Variants in TMEM178B observed in about 807,000 individuals in gnomAD.
The protein encoded by TMEM178B is transmembrane protein 178B.
In TMEM178B, 5 loss-of-function variants were observed where a neutral mutation model predicts 31.0. The ratio of observed to expected loss-of-function variants is 0.16; its 90% CI spans 0.08 to 0.34. The LOEUF (loss-of-function observed/expected upper bound fraction) is 0.34. Among genes scored for constraint, TMEM178B ranks in the 10% least tolerant of loss-of-function variants. The pLI, the probability that TMEM178B is intolerant of heterozygous loss-of-function variation, is 1.00. For synonymous variants in TMEM178B, 164 were observed against 164.0 expected, an observed-to-expected ratio of 1.00 and a Z score of 0.00; for missense variants, 275 against 400.3, an observed-to-expected ratio of 0.69 and a Z score of 2.67.
At chr7:141,425,585 C>T (rs773135943) in intron 2 of TMEM178B, among the ~76,000 whole-genome samples, 3 of 152,126 alleles carry the variant, frequency 2.0e-5, no homozygotes, top group Non-Finnish European at 2.9e-5. Flanking sequence ...GGCTTAGCAG[C>T]GAGAAAGGGG....
chr7:141,482,421 G>A (rs539050939), downstream of TMEM178B, among the ~76,000 whole-genome samples: 13 of 152,292 alleles, frequency 8.5e-5, no homozygotes, highest in African/African-American at 2.9e-4. Flanking sequence ...TGGGATCCTC[G>A]CAGGCACTAA....
chr7:141,185,657 TG>T (rs978119459), intron 1 of TMEM178B, among the ~76,000 whole-genome samples: 21 of 152,186 alleles, frequency 1.4e-4, no homozygotes, highest in African/African-American at 4.8e-4. Flanking sequence ...CTAGGGTCTC[TG>T]GGGTTTTTAT....
intron 3 of TMEM178B, among the ~76,000 whole-genome samples, chr7:141,451,672 G>A (rs1801865581): frequency 6.6e-6 from 1 of 152,192 alleles, no homozygotes; most frequent in South Asian, 2.1e-4. Context: ...GCAAGAAAGA[G>A]GAAGCTGGTT....
Position 141,359,292 on chromosome 7 carries a change from C to T in TMEM178B, c.497-78316C>T, listed in dbSNP as rs1385570775. Among the ~76,000 whole-genome samples, 6 of 152,322 alleles carry T rather than the reference C, an allele frequency of 3.9e-5. No homozygotes were observed. In the East Asian group the frequency reaches 7.7e-4, roughly 20 times the overall value. ...TGCCCCAGGGTATAGCCTCCCAGCA[C>T]GGTGTCCTCTTTGTAGTTGAGTCTT... is the stretch of plus-strand genomic sequence containing the variant. On this transcript the variant is annotated intron_variant, in intron 2 of 3. Transcript: ENST00000565468.
intron 1 of TMEM178B, among the ~76,000 whole-genome samples, chr7:141,205,492 C>T (rs1207585495): frequency 6.6e-6 from 1 of 152,190 alleles, no homozygotes; most frequent in Non-Finnish European, 1.5e-5. Flanking sequence ...AGCATCTTTG[C>T]TCTCTAGGCA....
At chr7:141,466,453 C>G (rs972736777) in intron 3 of TMEM178B, among the ~76,000 whole-genome samples, 1 of 152,216 alleles carries the variant, frequency 6.6e-6, no homozygotes, top group African/African-American at 2.4e-5. Context: ...GTGGAATATG[C>G]CATGAGAATC....
intron 2 of TMEM178B, among the ~76,000 whole-genome samples, chr7:141,244,379 C>A (rs1308612072): frequency 1.3e-5 from 2 of 152,110 alleles, no homozygotes; most frequent in African/African-American, 4.8e-5. Context: ...TAAAATTGAG[C>A]CTTGAAGGTA....
intron 2 of TMEM178B, among the ~76,000 whole-genome samples, chr7:141,373,176 C>A (rs1800149432): frequency 6.6e-6 from 1 of 152,108 alleles, no homozygotes; most frequent in South Asian, 2.1e-4. Context: ...CAGTTCACAG[C>A]ATATTGGAAG....
At chr7:141,135,608 T>C (rs1400497737) in intron 1 of TMEM178B, among the ~76,000 whole-genome samples, 1 of 152,140 alleles carries the variant, frequency 6.6e-6, no homozygotes, top group Non-Finnish European at 1.5e-5. Context: ...GCATGGAAAT[T>C]AAACAACATG....
intron 2 of TMEM178B, among the ~76,000 whole-genome samples, chr7:141,330,111 T>C (rs1257446205): frequency 6.6e-6 from 1 of 152,182 alleles, no homozygotes; most frequent in Non-Finnish European, 1.5e-5. Context: ...AAGTTTATTT[T>C]AATTATTTAA....
chr7:141,096,365 A>G (rs1794960923), intron 1 of TMEM178B, among the ~76,000 whole-genome samples: 2 of 152,180 alleles, frequency 1.3e-5, no homozygotes. Flanking sequence ...TGTCTGTCCC[A>G]TAAAATAATT....
At chr7:141,265,272 G>T (rs1798078003) in intron 2 of TMEM178B, among the ~76,000 whole-genome samples, 1 of 152,128 alleles carries the variant, frequency 6.6e-6, no homozygotes, top group Non-Finnish European at 1.5e-5. Flanking sequence ...TGCACCAAGA[G>T]CCTCAGTGGT....
intron 2 of TMEM178B, among the ~76,000 whole-genome samples, chr7:141,370,303 G>A (rs572694855): frequency 6.6e-6 from 1 of 152,316 alleles, no homozygotes; most frequent in South Asian, 2.1e-4. Flanking sequence ...GCAATTCAGG[G>A]AGTGAGGTGC....
intron 2 of TMEM178B, among the ~76,000 whole-genome samples, chr7:141,347,023 GCT>G (rs1037846970): frequency 6.6e-6 from 1 of 151,904 alleles, no homozygotes; most frequent in Non-Finnish European, 1.5e-5. Flanking sequence ...CCTCCCCCTT[GCT>G]CTCTCTCTCC....
chr7:141,253,198 C>G (rs1384180445), intron 2 of TMEM178B, among the ~76,000 whole-genome samples: 1 of 152,214 alleles, frequency 6.6e-6, no homozygotes, highest in Non-Finnish European at 1.5e-5. Context: ...CTGCTTCCCC[C>G]TTGTTGCCAG....
chr7:141,222,195 T>C (rs1056183764), intron 2 of TMEM178B, among the ~76,000 whole-genome samples: 23 of 152,250 alleles, frequency 1.5e-4, no homozygotes, highest in African/African-American at 5.5e-4. Context: ...TCCATATTTC[T>C]TGTGGTTAGT....
chr7:141,408,105 T>C (rs773674421), intron 2 of TMEM178B, among the ~76,000 whole-genome samples: 4 of 151,860 alleles, frequency 2.6e-5, no homozygotes, highest in African/African-American at 4.8e-5. Context: ...GATTTCCAAA[T>C]GCCACATGAC....
intron 1 of TMEM178B, among the ~76,000 whole-genome samples, chr7:141,086,451 C>G (rs1228514268): frequency 6.6e-6 from 1 of 152,044 alleles, no homozygotes; most frequent in Admixed American, 6.5e-5. Context: ...AATGGATAAA[C>G]ACAACTTTGA....
chr7:141,096,905 T>C (rs1563086510), intron 1 of TMEM178B, among the ~76,000 whole-genome samples: 1 of 151,850 alleles, frequency 6.6e-6, no homozygotes. Flanking sequence ...CTGGGCAACA[T>C]AGCGAGATCT....
Sources: gnomAD v4.1 joint callset for allele counts (sites outside exome capture counted in the v4.1 genomes callset) on GRCh38, gnomAD v4.1.1 for gene constraint, MANE v1.5 for transcripts, NCBI Gene and HGNC (gene_info 2026-07-23, HGNC 2026-07-21) for gene names.